The following MAFF variants were observed in gnomAD, a reference collection of about 807,000 sequenced individuals.
The protein encoded by MAFF is MAF bZIP transcription factor F.
Under a neutral mutation model 2.7 loss-of-function variants are expected in MAFF, and 4 were observed. That is an observed-to-expected ratio of 1.48 (90% CI 0.73 to 3.39). MAFF has a LOEUF of 3.39. MAFF is among the 30% of genes most tolerant of loss of function. The pLI, the probability that MAFF is intolerant of heterozygous loss-of-function variation, is 0.01. For synonymous variants in MAFF, 113 were observed against 119.4 expected (o/e 0.95, Z 0.35); for missense variants, 190 against 246.6 (o/e 0.77, Z 1.54).
At position 38,214,440 on chromosome 22, in the gene MAFF, G is replaced by A. The variant is rs747356045; in HGVS notation, c.57G>A (p.Glu19=). The A allele has an allele frequency of 4.4e-6, 7 of 1,603,796 alleles. No individual in the cohort carries two copies. The highest frequency in any genetic ancestry group is 6.0e-6 in the Non-Finnish European group (7 of 1,175,530). ...KALKIKRELS[E]NTPHLSDEAL... is the part of the protein sequence containing the mutation. ...CGCAGATCAAGCGAGAGCTGAGCGA[G>A]AACACGCCGCACCTGTCGGACGAGG... The change falls in exon 3 of 3, where the codon GAG becomes GAA. Residue 19 remains glutamate (E), a synonymous_variant. Coordinates refer to ENST00000338483, the MANE Select transcript of MAFF (RefSeq NM_012323.4). The surrounding 1 kb of genome is among the most constrained non-coding windows in gnomAD (Gnocchi z 6.3).
chr22:38,210,207 C>G (rs1169594233), intron 1 of MAFF, among the ~76,000 whole-genome samples: 1 of 152,244 alleles, frequency 6.6e-6, no homozygotes, highest in Non-Finnish European at 1.5e-5. Flanking sequence ...CCCAGCGAAA[C>G]CTGGGTGACC....
intron 1 of MAFF, among the ~76,000 whole-genome samples, chr22:38,207,113 CTATTAT>C (rs902671564): frequency 5.9e-5 from 9 of 151,794 alleles, no homozygotes; most frequent in South Asian, 2.1e-4. Flanking sequence ...GGCCTGAATT[CTATTAT>C]TATTATTATT....
chr22:38,211,159 G>A lies in MAFF; in HGVS notation c.-31-2664G>A, dbSNP rs529579206. Among the ~76,000 whole-genome samples the A allele has an allele frequency of 3.7e-4, 57 of 152,252 alleles. 3 individuals are homozygous for A. In the South Asian group the frequency reaches 0.01, roughly 27 times the overall value. ...TCCTGTGTTGAGGAAGGGCGGGTGTGGCTGAGGCAGGGGAAACAAAAGGAA... is the reference window on the plus strand; with the variant it reads ...TCCTGTGTTGAGGAAGGGCGGGTGTAGCTGAGGCAGGGGAAACAAAAGGAA... On this transcript the variant is annotated intron_variant, in intron 1 of 2. Transcript: ENST00000338483.
In MAFF at chr22:38,214,764, C is replaced by T; in HGVS notation, c.381C>T (p.Pro127=). 2 of 1,429,160 alleles carry T rather than the reference C, an allele frequency of 1.4e-6. No homozygotes were observed. The highest frequency in any genetic ancestry group is 1.8e-6 in the Non-Finnish European group (2 of 1,098,124). The allele number at this position is 1,429,160 out of a possible 1,614,324, so 88.5% of individuals were successfully genotyped here. Reference sequence around the variant, plus strand: ...GCTCCGTGGCCGCCGCCCGCGGGCCCGCCACGCTCGTGGCGCCGGCCAGCG... The same window carrying T: ...GCTCCGTGGCCGCCGCCCGCGGGCCTGCCACGCTCGTGGCGCCGGCCAGCG... ...FARSVAAARG[P]ATLVAPASVI... Residue 127 remains proline, a synonymous_variant, in exon 3 of 3, where the codon CCC becomes CCT. Transcript: ENST00000338483. This position sits in a 1 kb window ranked among gnomAD's most constrained non-coding sequence, Gnocchi z 6.3.
In MAFF at chr22:38,214,982, T is replaced by A; in HGVS notation, c.*104T>A. ...CCCAGGTCCCATTTCTCTGCAGCAC[T>A]GGCCCCTTGGTGCACACACATTCCC... On this transcript the variant is annotated 3_prime_UTR_variant, in exon 3 of 3. Coordinates refer to ENST00000338483, the MANE Select transcript of MAFF (RefSeq NM_012323.4). The surrounding 1 kb of genome is among the most constrained non-coding windows in gnomAD (Gnocchi z 6.3). 1.2e-6 allele frequency: 1 copy of A among 852,794 alleles called. No individual in the cohort carries two copies. The highest frequency in any genetic ancestry group is 1.9e-6 in the Non-Finnish European group (1 of 531,694). The allele number at this position is 852,794 out of a possible 1,614,324, so 52.8% of individuals were successfully genotyped here. A position where few individuals can be genotyped will look rare whatever the true frequency, so the allele number is the denominator to read the frequency against.
Position 38,215,170 on chromosome 22 carries a change from A to C in MAFF, c.*292A>C. ...ATTGAGAGATACAGAGCCGGCTTAGAGAACAGCTGTTGGGGGAGAAGAGGG... is the reference window on the plus strand; with the variant it reads ...ATTGAGAGATACAGAGCCGGCTTAGCGAACAGCTGTTGGGGGAGAAGAGGG... On this transcript the variant is annotated 3_prime_UTR_variant, in exon 3 of 3. Coordinates refer to ENST00000338483, the MANE Select transcript of MAFF (RefSeq NM_012323.4). 1 of 371,210 alleles carries C rather than the reference A, an allele frequency of 2.7e-6. No homozygotes were observed. Among genetic ancestry groups the C allele is most frequent in the South Asian group, 4.4e-5 (1 of 22,792 alleles). The allele number at this position is 371,210 out of a possible 1,614,324, so 23.0% of individuals were successfully genotyped here.
chr22:38,214,376 G>A lies in MAFF; in HGVS notation c.37-44G>A, dbSNP rs775349326. 12 of 1,511,318 alleles carry A rather than the reference G, an allele frequency of 7.9e-6. No individual in the cohort carries two copies. Among genetic ancestry groups the A allele is most frequent in the East Asian group, 4.7e-5 (2 of 42,440 alleles). 93.6% of individuals were successfully genotyped at this position (1,511,318 alleles called of 1,614,324 possible). A position where few individuals can be genotyped will look rare whatever the true frequency, so the allele number is the denominator to read the frequency against. Reference sequence around the variant, plus strand: ...GGAACACCGCGGGTGGAGCGGGGGGGCCCGTCCCCAGTCCCCTGGACCTCA... The same window carrying A: ...GGAACACCGCGGGTGGAGCGGGGGGACCCGTCCCCAGTCCCCTGGACCTCA... On this transcript the variant is annotated intron_variant, in intron 2 of 2. Coordinates refer to ENST00000338483, the MANE Select transcript of MAFF (RefSeq NM_012323.4). The surrounding 1 kb of genome is among the most constrained non-coding windows in gnomAD (Gnocchi z 6.3).
At chr22:38,212,319 T>G (rs2146021108) in intron 1 of MAFF, among the ~76,000 whole-genome samples, 1 of 152,306 alleles carries the variant, frequency 6.6e-6, no homozygotes, top group Admixed American at 6.5e-5. Context: ...TTTATTTTCC[T>G]TGGCTTCTTA....
At chr22:38,213,981 C>T in intron 2 of MAFF, 92 bp downstream of exon 2, 2 of 1,414,488 alleles carry the variant, frequency 1.4e-6, no homozygotes, top group Non-Finnish European at 2.0e-6. Flanking sequence ...TTCCTGGAAT[C>T]CCCTGGGTGG....
intron 1 of MAFF, among the ~76,000 whole-genome samples, chr22:38,210,029 C>A (rs1440402786): frequency 1.3e-5 from 2 of 152,062 alleles, no homozygotes; most frequent in Non-Finnish European, 2.9e-5. Flanking sequence ...ATTTGGAGTG[C>A]TAGGCAGGGA....
At chr22:38,209,175 C>T (rs2005967) in intron 1 of MAFF, among the ~76,000 whole-genome samples, 8 of 152,040 alleles carry the variant, frequency 5.3e-5, no homozygotes, top group African/African-American at 1.7e-4. Context: ...ACGCCATTCT[C>T]CTGCCTCAGC....
At chr22:38,203,816 G>A (rs1261766597) in intron 1 of MAFF, 1 of 152,304 alleles carries the variant, frequency 6.6e-6, no homozygotes, top group Non-Finnish European at 1.5e-5. Flanking sequence ...AGGATGGCAG[G>A]ATGGTGGGTA....
Position 38,207,372 on chromosome 22 carries a change from C to T in MAFF, c.-32+5160C>T, listed in dbSNP as rs547178505. Among the ~76,000 whole-genome samples the T allele has an allele frequency of 6.4e-4, 97 of 150,684 alleles. 1 individual carries two copies. Among genetic ancestry groups the T allele is most frequent in the East Asian group, 6.2e-3 (32 of 5,134 alleles). The stretch of plus-strand genomic sequence containing the variant: ...TCCTGACCTCATGATCCGCCCACCT[C>T]GGCCTCCCAAAGTGCTGGGATTACA... On this transcript the variant is annotated intron_variant, in intron 1 of 2. Transcript: ENST00000338483.
At position 38,214,964 on chromosome 22, in the gene MAFF, C is replaced by T. The variant is rs1197213799; in HGVS notation, c.*86C>T. On this transcript the variant is annotated 3_prime_UTR_variant, in exon 3 of 3. Transcript: ENST00000338483. This position sits in a 1 kb window ranked among gnomAD's most constrained non-coding sequence, Gnocchi z 6.3. ...CTGAGCGCCGCCTCTGTGCCCAGGT[C>T]CCATTTCTCTGCAGCACTGGCCCCT... 4 of 1,019,138 alleles carry T rather than the reference C, an allele frequency of 3.9e-6. No homozygotes were observed. In the Middle Eastern group the frequency reaches 8.1e-4, roughly 207 times the overall value. 63.1% of individuals were successfully genotyped at this position (1,019,138 alleles called of 1,614,324 possible). A position where few individuals can be genotyped will look rare whatever the true frequency, so the allele number is the denominator to read the frequency against.
In MAFF at chr22:38,215,673, C is replaced by T. The variant is rs1204082253; in HGVS notation, c.*795C>T. ...CTCAGCCCTAGGCTGTCCCTGCAGC[C>T]AGGGTGTCCGGGGGCTGGCCAGTCA... On this transcript the variant is annotated 3_prime_UTR_variant, in exon 3 of 3. Coordinates refer to ENST00000338483, the MANE Select transcript of MAFF (RefSeq NM_012323.4). 2 of 167,326 alleles carry T rather than the reference C, an allele frequency of 1.2e-5. No individual in the cohort carries two copies. Among genetic ancestry groups the T allele is most frequent in the Non-Finnish European group, 2.9e-5 (2 of 68,426 alleles). The allele number at this position is 167,326 out of a possible 1,614,324, so 10.4% of individuals were successfully genotyped here.
At position 38,216,155 on chromosome 22, in the gene MAFF, G is replaced by C. The variant is rs376949016; in HGVS notation, c.*1277G>C. ...CTTTGGGAGTCCAAGGAGGGGGATC[G>C]CTTGAGTCCAGGAGTTTGAGACCAG... On this transcript the variant is annotated 3_prime_UTR_variant, in exon 3 of 3. Transcript: ENST00000338483. 6.3e-6 allele frequency: 1 copy of C among 158,948 alleles called. No homozygotes were observed. Among genetic ancestry groups the C allele is most frequent in the African/African-American group, 2.4e-5 (1 of 41,360 alleles). The allele number at this position is 158,948 out of a possible 1,614,324, so 9.8% of individuals were successfully genotyped here. A position where few individuals can be genotyped will look rare whatever the true frequency, so the allele number is the denominator to read the frequency against.
At chr22:38,209,388 G>A (rs1218735625) in intron 1 of MAFF, among the ~76,000 whole-genome samples, 1 of 152,102 alleles carries the variant, frequency 6.6e-6, no homozygotes, top group Non-Finnish European at 1.5e-5. Flanking sequence ...CTTTAATCTG[G>A]CTGGTGGCAT....
In MAFF at chr22:38,202,455, T is replaced by G. The variant is rs2091020602; in HGVS notation, c.-32+243T>G. ...GGCCCCTTCCCGGGGCGCGGGCGGG[T>G]AGGCGGCGGCGCCGGGAGGAAGGGG... On this transcript the variant is annotated intron_variant, in intron 1 of 2. Coordinates refer to ENST00000338483, the MANE Select transcript of MAFF (RefSeq NM_012323.4). The surrounding 1 kb of genome is among the most constrained non-coding windows in gnomAD (Gnocchi z 7.4). 1 of 148,306 alleles carries G rather than the reference T, an allele frequency of 6.7e-6. No homozygotes were observed. The highest frequency in any genetic ancestry group is 2.5e-5 in the African/African-American group (1 of 39,814). 9.2% of individuals were successfully genotyped at this position (148,306 alleles called of 1,614,324 possible).
intron 1 of MAFF, among the ~76,000 whole-genome samples, chr22:38,212,104 A>G (rs1270940553): frequency 6.6e-6 from 1 of 152,080 alleles, no homozygotes; most frequent in African/African-American, 2.4e-5. Flanking sequence ...GGTTTAAGCA[A>G]TTCTCCTGCC....
Sources: gnomAD v4.1 joint callset for allele counts (sites outside exome capture counted in the v4.1 genomes callset) on GRCh38, gnomAD v4.1.1 for gene constraint, Gnocchi (gnomAD v3.1) non-coding constraint, MANE v1.5 for transcripts, NCBI Gene and HGNC (gene_info 2026-07-23, HGNC 2026-07-21) for gene names.